The following ERBB4 variants were observed in gnomAD, a reference collection of about 807,000 sequenced individuals.
ERBB4 encodes receptor tyrosine-protein kinase erbB-4.
A neutral mutation model predicts 158.0 loss-of-function variants in ERBB4; 42 were observed. The observed-to-expected ratio is 0.27, with a 90% CI of 0.21 to 0.34. ERBB4 has a LOEUF of 0.34. ERBB4 is among the 10% of genes least tolerant of loss of function. The probability of loss-of-function intolerance (pLI) is 1.00; values close to 1 mark genes in which losing one functional copy is unlikely to be tolerated. For synonymous variants in ERBB4, 583 were observed against 558.7 expected (o/e 1.04, Z -0.61); for missense variants, 1,333 against 1,624.1 (o/e 0.82, Z 3.08).
intron 1 of ERBB4, among the ~76,000 whole-genome samples, chr2:212,263,948 G>T (rs2085037103): frequency 6.6e-6 from 1 of 151,832 alleles, no homozygotes; most frequent in African/African-American, 2.4e-5. Flanking sequence ...AATATCTATG[G>T]CTTGTCTGTC....
intron 2 of ERBB4, among the ~76,000 whole-genome samples, chr2:211,988,141 G>C (rs76476307): frequency 6.6e-6 from 1 of 152,270 alleles, no homozygotes; most frequent in South Asian, 2.1e-4. Context: ...AAAGGTTTTA[G>C]AGAGCAAATG....
At chr2:212,489,330 G>C (rs565212181) in intron 1 of ERBB4, among the ~76,000 whole-genome samples, 2 of 151,958 alleles carry the variant, frequency 1.3e-5, no homozygotes, top group African/African-American at 4.8e-5. Flanking sequence ...AGGTAACAAG[G>C]CTTGAGGCTC....
chr2:211,630,283 G>A (rs903119382), intron 17 of ERBB4, among the ~76,000 whole-genome samples, 179 bp downstream of exon 17: 1 of 152,078 alleles, frequency 6.6e-6, no homozygotes, highest in Non-Finnish European at 1.5e-5. Flanking sequence ...TTGAAGCCTT[G>A]ACTATTTTTA....
At chr2:211,750,342 C>A (rs2075096652) in intron 5 of ERBB4, among the ~76,000 whole-genome samples, 1 of 152,128 alleles carries the variant, frequency 6.6e-6, no homozygotes, top group African/African-American at 2.4e-5. Context: ...CTATTTTGTA[C>A]ACATTGGATT....
At chr2:212,205,369 C>T (rs2082715929) in intron 1 of ERBB4, among the ~76,000 whole-genome samples, 1 of 152,018 alleles carries the variant, frequency 6.6e-6, no homozygotes. Context: ...CATGTTGGCC[C>T]CACCAAGTCT....
At chr2:211,881,753 C>A (rs1444570501) in intron 3 of ERBB4, among the ~76,000 whole-genome samples, 1 of 152,088 alleles carries the variant, frequency 6.6e-6, no homozygotes, top group Non-Finnish European at 1.5e-5. Context: ...TTTTCTGGGA[C>A]CCCTCTCTGT....
chr2:212,043,217 C>T (rs1207980824), intron 2 of ERBB4, among the ~76,000 whole-genome samples: 2 of 152,158 alleles, frequency 1.3e-5, no homozygotes, highest in Non-Finnish European at 2.9e-5. Context: ...AATCCTGTGA[C>T]TTTCAAAGTC....
intron 1 of ERBB4, chr2:212,429,354 TA>T (rs1052374589): frequency 6.6e-6 from 1 of 152,256 alleles, no homozygotes; most frequent in African/African-American, 2.4e-5. Flanking sequence ...AGTCTACTGA[TA>T]ATCATCCACA....
chr2:211,495,093 G>A (rs964164608), intron 20 of ERBB4, among the ~76,000 whole-genome samples: 3 of 151,754 alleles, frequency 2.0e-5, no homozygotes, highest in African/African-American at 4.8e-5. Flanking sequence ...GCAAAAATGG[G>A]GAAAAAGTAG....
intron 1 of ERBB4, among the ~76,000 whole-genome samples, chr2:212,311,505 A>G (rs58192836): frequency 0.032 from 4,827 of 150,934 alleles, 265 homozygotes; most frequent in African/African-American, 0.11. Flanking sequence ...ATATCTGAAT[A>G]TGTCACTATG....
chr2:212,514,161 T>C (rs1691690342), intron 1 of ERBB4, among the ~76,000 whole-genome samples: 1 of 151,834 alleles, frequency 6.6e-6, no homozygotes, highest in African/African-American at 2.4e-5. Flanking sequence ...ACTGTGTCAA[T>C]GCATTGCACT....
chr2:212,377,311 A>T (rs1247167780), intron 1 of ERBB4, among the ~76,000 whole-genome samples: 2 of 150,860 alleles, frequency 1.3e-5, no homozygotes, highest in Non-Finnish European at 3.0e-5. Context: ...ACTCATGCAC[A>T]GCTCTTCTAT....
chr2:211,822,847 A>G lies in ERBB4; in HGVS notation c.422-34688T>C, dbSNP rs551558648. On this transcript the variant is annotated intron_variant, in intron 3 of 27. Transcript: ENST00000342788. Reference sequence around the variant, plus strand: ...CTCTGTAGCAAAAGCACACTTTCCTATCACTTGGTTTTAGGCTGGGCCCTA... The same window carrying G: ...CTCTGTAGCAAAAGCACACTTTCCTGTCACTTGGTTTTAGGCTGGGCCCTA... 2.6e-5 allele frequency among the ~76,000 whole-genome samples: 4 copies of G among 152,134 alleles called. No individual in the cohort carries two copies. In the South Asian group the frequency reaches 6.2e-4, roughly 24 times the overall value.
intron 3 of ERBB4, among the ~76,000 whole-genome samples, chr2:211,890,683 T>G (rs1435262903): frequency 1.5e-5 from 2 of 132,036 alleles, no homozygotes; most frequent in Non-Finnish European, 3.2e-5. Context: ...GAGACACACA[T>G]AGGCTCAAAA....
chr2:212,283,845 T>C (rs1429976625), intron 1 of ERBB4, among the ~76,000 whole-genome samples: 1 of 152,050 alleles, frequency 6.6e-6, no homozygotes, highest in Non-Finnish European at 1.5e-5. Flanking sequence ...AAAATTAATA[T>C]TATGTTTGTT....
At chr2:211,571,035 C>CTCT (rs1553571913) in intron 19 of ERBB4, among the ~76,000 whole-genome samples, 7 of 81,262 alleles carry the variant, frequency 8.6e-5, no homozygotes, top group Admixed American at 1.7e-4. Flanking sequence ...TCTGAGTACT[C>CTCT]TTCTTCTTTT....
chr2:211,598,190 T>G (rs1006205490), intron 19 of ERBB4, among the ~76,000 whole-genome samples: 6 of 152,106 alleles, frequency 3.9e-5, no homozygotes, highest in African/African-American at 1.4e-4. Context: ...TCCTTTCAAA[T>G]AGGGCCAATA....
At chr2:212,314,772 C>A (rs1424739967) in intron 1 of ERBB4, among the ~76,000 whole-genome samples, 2 of 151,156 alleles carry the variant, frequency 1.3e-5, no homozygotes, top group East Asian at 3.9e-4. Flanking sequence ...GTCCTTTAAT[C>A]CAGAAAGAGC....
At chr2:212,081,794 G>A (rs1249159732) in intron 2 of ERBB4, among the ~76,000 whole-genome samples, 1 of 152,094 alleles carries the variant, frequency 6.6e-6, no homozygotes, top group Non-Finnish European at 1.5e-5. Context: ...TCCAGGGAAA[G>A]TTAAGAATAT....
Sources: gnomAD v4.1 joint callset for allele counts (sites outside exome capture counted in the v4.1 genomes callset) on GRCh38, gnomAD v4.1.1 for gene constraint, MANE v1.5 for transcripts, NCBI Gene and HGNC (gene_info 2026-07-23, HGNC 2026-07-21) for gene names.